GALNTL6: variants seen among roughly 807,000 people sequenced by gnomAD.
GALNTL6 encodes the protein polypeptide N-acetylgalactosaminyltransferase-like 6.
A neutral mutation model predicts 73.7 loss-of-function variants in GALNTL6; 46 were observed. The observed-to-expected ratio is 0.62, with a 90% CI of 0.49 to 0.80. The LOEUF (loss-of-function observed/expected upper bound fraction) is 0.80, where lower values mean the gene tolerates loss of function less well. Among genes scored for constraint, GALNTL6 ranks in the 30% least tolerant of loss-of-function variants. The pLI is 0.00. For missense variants in GALNTL6, 604 were observed against 755.0 expected, an observed-to-expected ratio of 0.80 and a Z score of 2.34; for synonymous variants, 259 against 263.7, an observed-to-expected ratio of 0.98 and a Z score of 0.17.
intron 5 of GALNTL6, among the ~76,000 whole-genome samples, chr4:172,673,067 T>C (rs1045341906): frequency 1.2e-4 from 18 of 152,134 alleles, no homozygotes; most frequent in African/African-American, 4.3e-4. Context: ...GCATTGGGAT[T>C]TGTTTGCTCT....
chr4:172,785,233 A>T (rs1186065689), intron 5 of GALNTL6, among the ~76,000 whole-genome samples: 1 of 152,188 alleles, frequency 6.6e-6, no homozygotes, highest in Non-Finnish European at 1.5e-5. Context: ...TGGAAAGGTC[A>T]TAATACTTTT....
At chr4:172,899,188 G>T (rs1156676314) in intron 8 of GALNTL6, among the ~76,000 whole-genome samples, 1 of 152,184 alleles carries the variant, frequency 6.6e-6, no homozygotes, top group East Asian at 1.9e-4. Context: ...AGGGGTTCTT[G>T]TCTGTGGCTC....
rs943546169 is a variant in GALNTL6, at chr4:173,021,472, C to T, written c.1489-4C>T. ...CAGCTTTTCTGCTACTGTTGCTTTG[C>T]TAGCTTTTTACCTTTGGATGGAGAG... is the stretch of plus-strand genomic sequence containing the variant. On this transcript the variant is annotated splice_polypyrimidine_tract_variant and splice_region_variant and intron_variant, in intron 11 of 12. Transcript: ENST00000506823. The T allele has an allele frequency of 1.9e-6, 3 of 1,613,912 alleles. No individual in the cohort carries two copies. Among genetic ancestry groups the T allele is most frequent in the Non-Finnish European group, 2.5e-6 (3 of 1,179,848 alleles).
At chr4:171,931,005 T>C (rs1028162210) in intron 2 of GALNTL6, among the ~76,000 whole-genome samples, 7 of 152,228 alleles carry the variant, frequency 4.6e-5, no homozygotes, top group East Asian at 1.9e-4. Flanking sequence ...AGTGGGAATC[T>C]CTTGAGAAAT....
At chr4:171,899,732 T>C (rs7672431) in intron 2 of GALNTL6, among the ~76,000 whole-genome samples, 2 of 152,192 alleles carry the variant, frequency 1.3e-5, no homozygotes, top group African/African-American at 2.4e-5. Context: ...TATTTGGACC[T>C]CTTTATATTG....
intron 2 of GALNTL6, among the ~76,000 whole-genome samples, chr4:172,052,212 T>C (rs951462998): frequency 1.3e-5 from 2 of 152,212 alleles, no homozygotes; most frequent in Non-Finnish European, 2.9e-5. Context: ...TCTGTTCTTA[T>C]ATCCCGGTCA....
At chr4:172,290,050 A>T (rs1455299271) in intron 3 of GALNTL6, among the ~76,000 whole-genome samples, 2 of 152,142 alleles carry the variant, frequency 1.3e-5, no homozygotes, top group African/African-American at 4.8e-5. Flanking sequence ...GGCCCTTTAG[A>T]GTGAATTATC....
chr4:173,020,021 T>G (rs1204908764), intron 11 of GALNTL6, among the ~76,000 whole-genome samples: 6 of 152,254 alleles, frequency 3.9e-5, no homozygotes, highest in African/African-American at 1.4e-4. Context: ...CAGCTCTTTT[T>G]TATTTTGCAA....
At chr4:172,043,869 C>T (rs966187222) in intron 2 of GALNTL6, among the ~76,000 whole-genome samples, 6 of 151,950 alleles carry the variant, frequency 3.9e-5, no homozygotes, top group Admixed American at 1.3e-4. Context: ...TTTAAATGTT[C>T]GCTTTAAATG....
intron 5 of GALNTL6, among the ~76,000 whole-genome samples, chr4:172,456,867 C>A (rs564921244): frequency 6.6e-6 from 1 of 152,154 alleles, no homozygotes; most frequent in South Asian, 2.1e-4. Flanking sequence ...CAAAGATATT[C>A]CCTGAGAAGA....
intron 2 of GALNTL6, among the ~76,000 whole-genome samples, chr4:171,984,487 A>C (rs1740005967): frequency 6.6e-6 from 1 of 152,164 alleles, no homozygotes. Flanking sequence ...GAGGTGGCCC[A>C]AAACTCTCCA....
intron 7 of GALNTL6, among the ~76,000 whole-genome samples, chr4:172,864,488 C>A (rs947600683): frequency 6.6e-6 from 1 of 152,200 alleles, no homozygotes; most frequent in African/African-American, 2.4e-5. Context: ...ATCAAGAATG[C>A]TCTGTCCCTA....
intron 2 of GALNTL6, among the ~76,000 whole-genome samples, chr4:171,874,450 A>G (rs1465724921): frequency 1.3e-5 from 2 of 152,052 alleles, no homozygotes; most frequent in African/African-American, 4.8e-5. Context: ...TCGGCCTCCT[A>G]AAATGCTGGG....
At chr4:172,132,486 C>T (rs1354009412) in intron 2 of GALNTL6, among the ~76,000 whole-genome samples, 1 of 152,020 alleles carries the variant, frequency 6.6e-6, no homozygotes, top group East Asian at 1.9e-4. Flanking sequence ...TCATTTTCCT[C>T]AATAGGGTTA....
chr4:172,807,127 T>C (rs1386879151), intron 5 of GALNTL6, among the ~76,000 whole-genome samples: 1 of 152,174 alleles, frequency 6.6e-6, no homozygotes, highest in African/African-American at 2.4e-5. Flanking sequence ...GTGTGTTGTA[T>C]AGCCAATAGA....
intron 5 of GALNTL6, among the ~76,000 whole-genome samples, chr4:172,691,410 C>T (rs1054468924): frequency 1.3e-5 from 2 of 152,160 alleles, no homozygotes; most frequent in African/African-American, 4.8e-5. Flanking sequence ...TTAAGTATTG[C>T]ACTGGGTCTT....
intron 5 of GALNTL6, among the ~76,000 whole-genome samples, chr4:172,738,842 G>A (rs751423111): frequency 2.6e-4 from 40 of 152,112 alleles, no homozygotes; most frequent in African/African-American, 9.4e-4. Flanking sequence ...CAGGTGGGTC[G>A]GGGGAGTGGT....
At chr4:172,007,409 T>G (rs1237191021) in intron 2 of GALNTL6, among the ~76,000 whole-genome samples, 2 of 152,036 alleles carry the variant, frequency 1.3e-5, no homozygotes, top group Non-Finnish European at 2.9e-5. Flanking sequence ...AGGACCAGTA[T>G]GAATAAGTAA....
intron 10 of GALNTL6, among the ~76,000 whole-genome samples, chr4:172,974,580 G>T (rs1750724587): frequency 6.6e-6 from 1 of 152,126 alleles, no homozygotes; most frequent in Non-Finnish European, 1.5e-5. Context: ...GGGATCCTTG[G>T]GGTGTTGTTT....
Sources: allele counts gnomAD v4.1 joint callset (sites outside exome capture counted in the v4.1 genomes callset), GRCh38; gene constraint gnomAD v4.1.1; transcripts MANE v1.5; gene names NCBI Gene and HGNC (gene_info 2026-07-23, HGNC 2026-07-21).